DNM1L: variants seen among roughly 807,000 people sequenced by gnomAD.
DNM1L encodes the protein dynamin 1L.
In DNM1L, 33 loss-of-function variants were observed where a neutral mutation model predicts 92.8. The observed-to-expected ratio is 0.36, with a 90% CI of 0.27 to 0.48. DNM1L has a LOEUF of 0.48. Ranked by LOEUF, DNM1L falls within the 20% of genes least tolerant of loss-of-function variation. DNM1L has a pLI of 0.99. For synonymous variants in DNM1L, 284 were observed against 305.0 expected (o/e 0.93, Z 0.72); for missense variants, 485 against 888.8 (o/e 0.55, Z 5.78).
chr12:32,737,463 G>A (rs1954971363), intron 14 of DNM1L: 1 of 402,662 alleles, frequency 2.5e-6, no homozygotes, highest in African/African-American at 2.0e-5. Context: ...TAGCTGAAAT[G>A]ACTCAAGATT....
At chr12:32,726,000 A>G (rs61328017) in intron 9 of DNM1L, among the ~76,000 whole-genome samples, 21,355 of 151,674 alleles carry the variant, frequency 0.14, 1,554 homozygotes, top group Middle Eastern at 0.19. Context: ...TAATCCAAGC[A>G]GACTTAACCC....
intron 9 of DNM1L, among the ~76,000 whole-genome samples, chr12:32,730,166 C>T (rs528897821): frequency 6.6e-6 from 1 of 150,540 alleles, no homozygotes; most frequent in Non-Finnish European, 1.5e-5. Context: ...GAGATCAAGA[C>T]CATCCTGGCC....
At chr12:32,689,393 C>T (rs1265716958) in intron 1 of DNM1L, among the ~76,000 whole-genome samples, 3 of 151,962 alleles carry the variant, frequency 2.0e-5, no homozygotes, top group African/African-American at 2.4e-5. Context: ...GACAAGGTTT[C>T]TCCATGTTAG....
intron 13 of DNM1L, among the ~76,000 whole-genome samples, chr12:32,735,534 A>G (rs1217617333): frequency 2.0e-5 from 3 of 152,160 alleles, no homozygotes; most frequent in African/African-American, 7.2e-5. Context: ...ATACCCGCCC[A>G]TGAAAAAATA....
At chr12:32,717,863 A>ATATATTTATATATAC (rs1565518715) in intron 6 of DNM1L, among the ~76,000 whole-genome samples, 45 of 113,852 alleles carry the variant, frequency 4.0e-4, no homozygotes, top group African/African-American at 1.5e-3. Context: ...AATATACTAT[A>ATATATTTATATATAC]TATAGTATAT....
chr12:32,714,623 A>G (rs1253452095), intron 6 of DNM1L, among the ~76,000 whole-genome samples: 1 of 152,080 alleles, frequency 6.6e-6, no homozygotes, highest in Non-Finnish European at 1.5e-5. Flanking sequence ...CCACTTGAGT[A>G]AATAATGTTC....
Position 32,743,748 on chromosome 12 carries a change from T to G in DNM1L, c.*338T>G, listed in dbSNP as rs1955476086. ...ATAAGATGACCTGTGTAATAATCTT[T>G]GTTAGTAGTCTTAAAGCTGCTGCCA... On this transcript the variant is annotated 3_prime_UTR_variant, in exon 20 of 20. Transcript: ENST00000549701. The G allele has an allele frequency of 3.2e-6, 1 of 308,042 alleles. No homozygotes were observed. The highest frequency in any genetic ancestry group is 7.0e-5 in the East Asian group (1 of 14,328). The allele number at this position is 308,042 out of a possible 1,614,324, so 19.1% of individuals were successfully genotyped here. A position where few individuals can be genotyped will look rare whatever the true frequency, so the allele number is the denominator to read the frequency against.
chr12:32,729,902 G>C (rs1954433490), intron 9 of DNM1L, among the ~76,000 whole-genome samples: 1 of 152,064 alleles, frequency 6.6e-6, no homozygotes, highest in Admixed American at 6.6e-5. Context: ...GTATAAAAAA[G>C]TACTCAATAG....
chr12:32,681,486 G>A (rs1951801154), intron 1 of DNM1L, among the ~76,000 whole-genome samples: 1 of 152,056 alleles, frequency 6.6e-6, no homozygotes. Flanking sequence ...GGGAGGTTGA[G>A]GCTGTGGTGC....
intron 18 of DNM1L, 151 bp downstream of exon 18, chr12:32,740,669 G>C (rs894110380): frequency 1.1e-4 from 73 of 676,466 alleles, no homozygotes; most frequent in Non-Finnish European, 7.9e-5. Context: ...CTTGTAGCAA[G>C]ACCCATTTTG....
intron 19 of DNM1L, 113 bp downstream of exon 19, chr12:32,742,861 T>C: frequency 8.3e-7 from 1 of 1,203,870 alleles, no homozygotes; most frequent in Non-Finnish European, 1.2e-6. Flanking sequence ...TAGCTAGGCT[T>C]GTTTCCTGTT....
chr12:32,720,679 TAAC>T lies in DNM1L; in HGVS notation c.762_764del (p.Asn254del), dbSNP rs1953761791. The T allele has an allele frequency of 1.9e-6, 3 of 1,613,892 alleles. No homozygotes were observed. The highest frequency in any genetic ancestry group is 2.5e-6 in the Non-Finnish European group (3 of 1,179,870). On this transcript the variant is annotated inframe_deletion, in exon 8 of 20. Transcript: ENST00000549701. ...TCAACCTCAGGAGCCAGCTAGATAT[TAAC>T]AACAAGAAGAGTGTAACTGATTCAA... is the stretch of plus-strand genomic sequence containing the variant.
chr12:32,726,997 G>A, intron 9 of DNM1L: 1 of 742,762 alleles, frequency 1.3e-6, no homozygotes, highest in South Asian at 1.5e-5. Context: ...GGTTCATCAT[G>A]TTTCTGAAGC....
intron 1 of DNM1L, among the ~76,000 whole-genome samples, chr12:32,693,627 C>G (rs568260807): frequency 2.0e-5 from 3 of 151,972 alleles, no homozygotes; most frequent in Non-Finnish European, 4.4e-5. Flanking sequence ...CAACCATCAC[C>G]TTAAACTTTT....
At chr12:32,689,151 G>A (rs1952135216) in intron 1 of DNM1L, among the ~76,000 whole-genome samples, 1 of 152,158 alleles carries the variant, frequency 6.6e-6, no homozygotes, top group Admixed American at 6.5e-5. Context: ...TTGTCATTAG[G>A]TAGAGGGTTT....
intron 2 of DNM1L, among the ~76,000 whole-genome samples, chr12:32,704,069 A>G (rs530380154): frequency 1.2e-4 from 19 of 152,300 alleles, no homozygotes; most frequent in Non-Finnish European, 2.8e-4. Context: ...AAATAAATCA[A>G]GCTTTCCTCA....
chr12:32,703,185 G>A (rs1952783196), intron 2 of DNM1L, among the ~76,000 whole-genome samples: 1 of 151,922 alleles, frequency 6.6e-6, no homozygotes, highest in African/African-American at 2.4e-5. Flanking sequence ...TTAGAAAAGG[G>A]TGTACATTTC....
At chr12:32,691,861 C>A (rs1398140238) in intron 1 of DNM1L, among the ~76,000 whole-genome samples, 1 of 152,022 alleles carries the variant, frequency 6.6e-6, no homozygotes, top group African/African-American at 2.4e-5. Context: ...ACGACATCTT[C>A]AGGTCTCAAT....
At chr12:32,691,605 G>A (rs1952238505) in intron 1 of DNM1L, among the ~76,000 whole-genome samples, 1 of 152,130 alleles carries the variant, frequency 6.6e-6, no homozygotes, top group Non-Finnish European at 1.5e-5. Context: ...CACATTCCGA[G>A]GTACTGGGGG....
Sources: allele counts gnomAD v4.1 joint callset (sites outside exome capture counted in the v4.1 genomes callset), GRCh38; gene constraint gnomAD v4.1.1; transcripts MANE v1.5; gene names NCBI Gene and HGNC (gene_info 2026-07-23, HGNC 2026-07-21).